Variants in TANC2 observed in about 807,000 individuals in gnomAD.
The protein encoded by TANC2 is tetratricopeptide repeat, ankyrin repeat and coiled-coil containing 2.
A neutral mutation model predicts 210.5 loss-of-function variants in TANC2; 26 were observed. That is an observed-to-expected ratio of 0.12 (90% CI 0.09 to 0.17). The LOEUF is 0.17. TANC2 is among the 10% of genes least tolerant of loss of function. TANC2 has a pLI of 1.00. For synonymous variants in TANC2, 931 were observed against 967.1 expected, an observed-to-expected ratio of 0.96 and a Z score of 0.69; for missense variants, 2,129 against 2,608.9, an observed-to-expected ratio of 0.82 and a Z score of 4.01.
At chr17:62,985,693 A>G (rs2032532622) in intron 1 of TANC2, among the ~76,000 whole-genome samples, 1 of 152,032 alleles carries the variant, frequency 6.6e-6, no homozygotes, top group Admixed American at 6.6e-5. Flanking sequence ...TGAATTCTTC[A>G]TCCATAGAAT....
At chr17:63,278,763 A>G (rs375419547) in intron 9 of TANC2, among the ~76,000 whole-genome samples, 2 of 152,286 alleles carry the variant, frequency 1.3e-5, no homozygotes, top group South Asian at 2.1e-4. Flanking sequence ...AATGTGGTCT[A>G]TATATCAATG....
At chr17:63,406,177 T>C (rs749509783) in exon 21 of TANC2, 1 of 1,613,942 alleles carries the variant, frequency 6.2e-7, no homozygotes, top group South Asian at 1.1e-5. Flanking sequence ...TACTCACCCA[T>C]GGAGCTGATG....
At chr17:63,043,020 T>C (rs1338350202) in intron 2 of TANC2, among the ~76,000 whole-genome samples, 2 of 152,264 alleles carry the variant, frequency 1.3e-5, no homozygotes, top group Non-Finnish European at 2.9e-5. Flanking sequence ...AAACTATTTG[T>C]ATTTTAGAAA....
chr17:63,306,166 T>A (rs2044897641), intron 9 of TANC2, among the ~76,000 whole-genome samples: 1 of 152,136 alleles, frequency 6.6e-6, no homozygotes, highest in Non-Finnish European at 1.5e-5. Flanking sequence ...GTAGCAAAAG[T>A]CTGAGCTAGG....
intron 18 of TANC2, chr17:63,396,865 A>C (rs1054271519): frequency 6.6e-6 from 1 of 152,114 alleles, no homozygotes; most frequent in Non-Finnish European, 1.5e-5. Flanking sequence ...TGTTATCCTC[A>C]CTACCAGGTG....
intron 9 of TANC2, among the ~76,000 whole-genome samples, chr17:63,301,703 A>G (rs561106663): frequency 6.6e-6 from 1 of 151,870 alleles, no homozygotes; most frequent in South Asian, 2.1e-4. Context: ...CAGTCTATCT[A>G]TTTTGTTAAT....
chr17:63,389,795 T>A, intron 17 of TANC2: 1 of 488,902 alleles, frequency 2.0e-6, no homozygotes, highest in South Asian at 2.1e-5. Context: ...AAAAAGTTTC[T>A]ACATAACAAC....
At chr17:63,000,772 T>G (rs2033336021) in intron 1 of TANC2, among the ~76,000 whole-genome samples, 1 of 152,186 alleles carries the variant, frequency 6.6e-6, no homozygotes, top group South Asian at 2.1e-4. Flanking sequence ...TTTACATTAG[T>G]GTCAATTAGA....
chr17:63,332,341 G>T (rs1178401018), intron 11 of TANC2: 7 of 306,232 alleles, frequency 2.3e-5, no homozygotes, highest in Non-Finnish European at 3.8e-5. Flanking sequence ...TCCACTTCTT[G>T]ATTGGGTGAA....
chr17:63,023,528 G>A (rs1272055758), intron 2 of TANC2, among the ~76,000 whole-genome samples: 4 of 152,184 alleles, frequency 2.6e-5, no homozygotes, highest in Non-Finnish European at 4.4e-5. Context: ...TTATTCTGGA[G>A]TTGTAAGATT....
intron 4 of TANC2, among the ~76,000 whole-genome samples, chr17:63,103,297 C>G (rs1366636359): frequency 1.3e-5 from 2 of 152,090 alleles, no homozygotes; most frequent in African/African-American, 4.8e-5. Flanking sequence ...GACTCATTTG[C>G]AGATATAGGT....
chr17:63,012,483 C>T (rs1438615077), intron 2 of TANC2, among the ~76,000 whole-genome samples: 2 of 152,082 alleles, frequency 1.3e-5, no homozygotes, highest in African/African-American at 4.8e-5. Context: ...AATGCAAGAG[C>T]TTTAGATTCT....
At chr17:63,386,558 A>G (rs2047784890) in intron 15 of TANC2, among the ~76,000 whole-genome samples, 1 of 152,200 alleles carries the variant, frequency 6.6e-6, no homozygotes, top group Non-Finnish European at 1.5e-5. Context: ...TTACTATACT[A>G]TTCCTCTCTA....
intron 2 of TANC2, among the ~76,000 whole-genome samples, chr17:63,062,123 C>T (rs922989043): frequency 7.2e-5 from 11 of 151,882 alleles, no homozygotes; most frequent in African/African-American, 1.2e-4. Context: ...GGAGGTATTA[C>T]GATGCTTTTT....
intron 9 of TANC2, among the ~76,000 whole-genome samples, chr17:63,303,185 T>C (rs946133667): frequency 6.6e-6 from 1 of 152,228 alleles, no homozygotes; most frequent in Admixed American, 6.5e-5. Context: ...ATGCAATTTC[T>C]TCATGGTGTC....
intron 26 of TANC2, among the ~76,000 whole-genome samples, chr17:63,417,861 A>G (rs2048912518): frequency 6.6e-6 from 1 of 152,150 alleles, no homozygotes; most frequent in Non-Finnish European, 1.5e-5. Context: ...TTTACAGGAC[A>G]CCTTCTCACC....
chr17:63,218,430 C>G (rs2145913480), intron 7 of TANC2, among the ~76,000 whole-genome samples: 1 of 152,152 alleles, frequency 6.6e-6, no homozygotes, highest in East Asian at 1.9e-4. Context: ...ATTTCTACAC[C>G]TATCACTTTT....
At chr17:63,386,700 G>A (rs559651412) in intron 15 of TANC2, among the ~76,000 whole-genome samples, 13 of 152,244 alleles carry the variant, frequency 8.5e-5, no homozygotes, top group Admixed American at 1.3e-4. Context: ...AAACACTAAT[G>A]TGTTAATAGG....
At chr17:63,017,375 T>C (rs2034154553) in intron 2 of TANC2, among the ~76,000 whole-genome samples, 1 of 152,236 alleles carries the variant, frequency 6.6e-6, no homozygotes, top group African/African-American at 2.4e-5. Flanking sequence ...TACAAATGTA[T>C]GGGCTGCTAT....
Sources: allele counts gnomAD v4.1 joint callset (sites outside exome capture counted in the v4.1 genomes callset), GRCh38; gene constraint gnomAD v4.1.1; transcripts MANE v1.5; gene names NCBI Gene and HGNC (gene_info 2026-07-23, HGNC 2026-07-21).